Variants in KCNQ1 observed in about 807,000 individuals in gnomAD.
The protein encoded by KCNQ1 is potassium voltage-gated channel subfamily Q member 1, also known as potassium voltage-gated channel subfamily KQT member 1.
In KCNQ1, 49 loss-of-function variants were observed where a neutral mutation model predicts 72.4. That is an observed-to-expected ratio of 0.68 (90% confidence interval 0.54 to 0.86). The LOEUF is 0.86. KCNQ1 is among the 40% of genes least tolerant of loss of function. The pLI, the probability that KCNQ1 is intolerant of heterozygous loss-of-function variation, is 0.00. For synonymous variants in KCNQ1, 450 were observed against 412.6 expected (o/e 1.09, Z -1.10); for missense variants, 790 against 945.1 (o/e 0.84, Z 2.15).
At position 2,764,824 on chromosome 11, in the gene KCNQ1, C is replaced by A. The variant is rs909624631; in HGVS notation, c.1515-4020C>A. Among the ~76,000 whole-genome samples, 2 of 152,064 alleles carry A rather than the reference C, an allele frequency of 1.3e-5. No homozygotes were observed. The highest frequency in any genetic ancestry group is 2.9e-5 in the Non-Finnish European group (2 of 68,016). On this transcript the variant is annotated intron_variant, in intron 11 of 15. Coordinates refer to ENST00000155840, the MANE Select transcript of KCNQ1 (RefSeq NM_000218.3). This position sits in a 1 kb window ranked among gnomAD's most constrained non-coding sequence, Gnocchi z 4.8. ...GTCCTCTGAATAAATGTTTCTGCAC[C>A]TCTAGGTCTATAGTGACATTCCATC...
rs1432512728 is a variant in KCNQ1 at position 2,725,479 on chromosome 11, T to A, written c.1515-43365T>A. ...GACCTGCCATTTGTCCGGTTGGGGG[T>A]CCCCAATCGTCTTCGAGCTACTGAT... On this transcript the variant is annotated intron_variant, in intron 11 of 15. Transcript: ENST00000155840. This position sits in a 1 kb window ranked among gnomAD's most constrained non-coding sequence, Gnocchi z 7.2. 6.6e-6 allele frequency among the ~76,000 whole-genome samples: 1 copy of A among 152,098 alleles called. No individual in the cohort carries two copies. Among genetic ancestry groups the A allele is most frequent in the African/African-American group, 2.4e-5 (1 of 41,382 alleles).
rs1848361780 is a variant in KCNQ1, at chr11:2,847,790, G to A, written c.1818G>A (p.Leu606=). 6.4e-7 allele frequency: 1 copy of A among 1,573,350 alleles called. No homozygotes were observed. Among genetic ancestry groups the A allele is most frequent in the Non-Finnish European group, 8.6e-7 (1 of 1,159,008 alleles). ...EDKVTQLDQR[L]ALITDMLHQL... ...AGGTGACGCAGCTGGACCAGAGGCT[G>A]GCACTCATCACCGACATGCTTCACC... Residue 606 remains leucine, a synonymous_variant, in exon 16 of 16, where the codon CTG becomes CTA. Coordinates refer to ENST00000155840, the MANE Select transcript of KCNQ1 (RefSeq NM_000218.3).
intron 6 of KCNQ1, among the ~76,000 whole-genome samples, chr11:2,581,307 A>G (rs61871516): frequency 0.22 from 33,190 of 152,214 alleles, 6,702 homozygotes; most frequent in African/African-American, 0.54. Context: ...CACCAGGTGG[A>G]AGTCACTCCC....
In KCNQ1 at chr11:2,482,051, A is replaced by G. The variant is rs888059215; in HGVS notation, c.386+36567A>G. Among the ~76,000 whole-genome samples, 7 of 152,250 alleles carry G rather than the reference A, an allele frequency of 4.6e-5. No individual in the cohort carries two copies. Among genetic ancestry groups the G allele is most frequent in the African/African-American group, 1.7e-4 (7 of 41,536 alleles). ...TGTTTGCTTTATGAATTTGTGCCTC[A>G]GTTTCTTCATCTCTGAAACGGGAAC... On this transcript the variant is annotated intron_variant, in intron 1 of 15. Transcript: ENST00000155840. This position sits in a 1 kb window ranked among gnomAD's most constrained non-coding sequence, Gnocchi z 5.7.
At position 2,691,087 on chromosome 11, in the gene KCNQ1, G is replaced by A; in HGVS notation, c.1514+29006G>A. 2.5e-6 allele frequency: 1 copy of A among 398,692 alleles called. No individual in the cohort carries two copies. 24.7% of individuals were successfully genotyped at this position (398,692 alleles called of 1,614,324 possible). On this transcript the variant is annotated intron_variant, in intron 11 of 15. Coordinates refer to ENST00000155840, the MANE Select transcript of KCNQ1 (RefSeq NM_000218.3). The surrounding 1 kb of genome is among the most constrained non-coding windows in gnomAD (Gnocchi z 6.4). ...GGAGGCACCTTTGTTCTAGATGCCT[G>A]CAGATTCCTGACAACAGTAGGGGTG...
At position 2,479,223 on chromosome 11, in the gene KCNQ1, AG is replaced by A. The variant is rs2133609426; in HGVS notation, c.386+33741del. ...ATGGATCTATCATTCTGGGATCTGG[AG>A]GACAGTGGCCCTCTTCTCACAGCTC... On this transcript the variant is annotated intron_variant, in intron 1 of 15. Transcript: ENST00000155840. This position sits in a 1 kb window ranked among gnomAD's most constrained non-coding sequence, Gnocchi z 4.6. 6.6e-6 allele frequency among the ~76,000 whole-genome samples: 1 copy of A among 152,278 alleles called. No homozygotes were observed. The highest frequency in any genetic ancestry group is 2.4e-5 in the African/African-American group (1 of 41,546).
At chr11:2,535,756 G>C (rs1247916505) in intron 2 of KCNQ1, among the ~76,000 whole-genome samples, 2 of 152,246 alleles carry the variant, frequency 1.3e-5, no homozygotes, top group African/African-American at 2.4e-5. Flanking sequence ...CAGGCCCCCT[G>C]CCTCTGGGAA....
intron 11 of KCNQ1, among the ~76,000 whole-genome samples, chr11:2,753,513 C>A (rs561715325): frequency 6.6e-6 from 1 of 152,250 alleles, no homozygotes; most frequent in South Asian, 2.1e-4. Flanking sequence ...CCCTCTGGAG[C>A]CTGCCTCTCT....
At position 2,663,484 on chromosome 11, in the gene KCNQ1, T is replaced by G. The variant is rs1850006625; in HGVS notation, c.1514+1403T>G. 2.5e-6 allele frequency: 1 copy of G among 398,694 alleles called. No homozygotes were observed. The highest frequency in any genetic ancestry group is 4.4e-6 in the Non-Finnish European group (1 of 226,106). The allele number at this position is 398,694 out of a possible 1,614,324, so 24.7% of individuals were successfully genotyped here. A position where few individuals can be genotyped will look rare whatever the true frequency, so the allele number is the denominator to read the frequency against. Reference sequence around the variant, plus strand: ...TGTTAGTTTAGTGGCTCATGTTGTGTGCAATACAGGTGGCAGTGCCTGTAT... The same window carrying G: ...TGTTAGTTTAGTGGCTCATGTTGTGGGCAATACAGGTGGCAGTGCCTGTAT... On this transcript the variant is annotated intron_variant, in intron 11 of 15. Coordinates refer to ENST00000155840, the MANE Select transcript of KCNQ1 (RefSeq NM_000218.3). The surrounding 1 kb of genome is among the most constrained non-coding windows in gnomAD (Gnocchi z 5.2).
intron 11 of KCNQ1, among the ~76,000 whole-genome samples, chr11:2,749,258 T>A (rs1846185964): frequency 1.3e-5 from 2 of 152,032 alleles, no homozygotes; most frequent in South Asian, 4.1e-4. Context: ...CTGCCAGGGC[T>A]CTGCAGGGAG....
chr11:2,794,641 G>A (rs762877521), intron 15 of KCNQ1, among the ~76,000 whole-genome samples: 38 of 152,134 alleles, frequency 2.5e-4, no homozygotes, highest in Non-Finnish European at 2.5e-4. Flanking sequence ...AGCAGATGCC[G>A]CATGGAGGGG....
chr11:2,736,670 C>T (rs1334022643), intron 11 of KCNQ1, among the ~76,000 whole-genome samples: 1 of 152,238 alleles, frequency 6.6e-6, no homozygotes, highest in Non-Finnish European at 1.5e-5. Flanking sequence ...TCCAGGTGTC[C>T]CTTGTGATCT....
At position 2,720,097 on chromosome 11, in the gene KCNQ1, C is replaced by T. The variant is rs2283205; in HGVS notation, c.1515-48747C>T. On this transcript the variant is annotated intron_variant, in intron 11 of 15. Coordinates refer to ENST00000155840, the MANE Select transcript of KCNQ1 (RefSeq NM_000218.3). This position sits in a 1 kb window ranked among gnomAD's most constrained non-coding sequence, Gnocchi z 5.1. ...CCATGCCAGCTCACTGGAGGGGCTC[C>T]TGCTGAAAGAGGTGGGGTTCAGTTC... Among the ~76,000 whole-genome samples, 26,882 of 152,214 alleles carry T rather than the reference C, an allele frequency of 0.18. 2,500 individuals carry two copies. The highest frequency in any genetic ancestry group is 0.24 in the Middle Eastern group (69 of 292).
chr11:2,635,539 A>G lies in KCNQ1; in HGVS notation c.1394-26422A>G, dbSNP rs536757049. On this transcript the variant is annotated intron_variant, in intron 10 of 15. Coordinates refer to ENST00000155840, the MANE Select transcript of KCNQ1 (RefSeq NM_000218.3). ...GGGCTCTGTTCTGTTCCATTGGTCT[A>G]TATCTCTGTTTTGGTACCAGTACCA... The G allele has an allele frequency of 1.2e-3, 186 of 152,226 alleles. 1 individual carries two copies. Among genetic ancestry groups the G allele is most frequent in the African/African-American group, 4.2e-3 (175 of 41,546 alleles). The allele number at this position is 152,226 out of a possible 1,614,324, so 9.4% of individuals were successfully genotyped here.
At chr11:2,814,264 A>AGGAT (rs1315921267) in intron 15 of KCNQ1, among the ~76,000 whole-genome samples, 1 of 150,322 alleles carries the variant, frequency 6.7e-6, no homozygotes, top group Non-Finnish European at 1.5e-5. Context: ...GGCTGAATAA[A>AGGAT]GGATGGATGG....
chr11:2,741,259 G>A (rs528520511), intron 11 of KCNQ1, among the ~76,000 whole-genome samples: 1 of 152,318 alleles, frequency 6.6e-6, no homozygotes, highest in East Asian at 1.9e-4. Flanking sequence ...GAGAGGGCAG[G>A]TTTGACTTTT....
At chr11:2,763,432 A>AT (rs1846443978) in intron 11 of KCNQ1, among the ~76,000 whole-genome samples, 1 of 151,938 alleles carries the variant, frequency 6.6e-6, no homozygotes, top group African/African-American at 2.4e-5. Context: ...AGAAAGAAAG[A>AT]AAGAAAGATT....
In KCNQ1 at chr11:2,507,488, A is replaced by C. The variant is rs12283619; in HGVS notation, c.387-20440A>C. On this transcript the variant is annotated intron_variant, in intron 1 of 15. Coordinates refer to ENST00000155840, the MANE Select transcript of KCNQ1 (RefSeq NM_000218.3). The surrounding 1 kb of genome is among the most constrained non-coding windows in gnomAD (Gnocchi z 5.4). Reference sequence around the variant, plus strand: ...AGAAAACAGGGTTTGCAGGTAGATAAGGTGGCGGGTGCAGCGGGAGGAAGA... The same window carrying C: ...AGAAAACAGGGTTTGCAGGTAGATACGGTGGCGGGTGCAGCGGGAGGAAGA... Among the ~76,000 whole-genome samples, 13 of 152,152 alleles carry C rather than the reference A, an allele frequency of 8.5e-5. No individual in the cohort carries two copies. Among genetic ancestry groups the C allele is most frequent in the Non-Finnish European group, 1.5e-5 (1 of 68,036 alleles).
intron 10 of KCNQ1, chr11:2,634,135 A>AT (rs35461041): frequency 0.3 from 107,029 of 355,620 alleles, 2,473 homozygotes; most frequent in Middle Eastern, 0.32. Flanking sequence ...TGTCTTTGGT[A>AT]TTTTTTTTTT....
Sources: allele counts gnomAD v4.1 joint callset (sites outside exome capture counted in the v4.1 genomes callset), GRCh38; gene constraint gnomAD v4.1.1; non-coding constraint Gnocchi (gnomAD v3.1); transcripts MANE v1.5; gene names NCBI Gene and HGNC (gene_info 2026-07-23, HGNC 2026-07-21).